NAA35: variants seen among roughly 807,000 people sequenced by gnomAD.
NAA35 encodes N-alpha-acetyltransferase 35, NatC auxiliary subunit.
NAA35 carries 18 observed loss-of-function variants against 101.7 expected under a neutral mutation model. The observed-to-expected ratio is 0.18, with a 90% CI of 0.12 to 0.26. NAA35 has a LOEUF of 0.26. NAA35 is among the 10% of genes least tolerant of loss of function. The pLI, the probability that NAA35 is intolerant of heterozygous loss-of-function variation, is 1.00. For synonymous variants in NAA35, 267 were observed against 273.1 expected (o/e 0.98, Z 0.22); for missense variants, 601 against 886.8 (o/e 0.68, Z 4.09).
chr9:85,969,111 T>C (rs1164260940), intron 6 of NAA35, among the ~76,000 whole-genome samples: 1 of 152,156 alleles, frequency 6.6e-6, no homozygotes, highest in East Asian at 1.9e-4. Context: ...TGTGTCATTC[T>C]AGTTTTTTGT....
At chr9:85,962,771 T>G (rs777138588) in intron 6 of NAA35, among the ~76,000 whole-genome samples, 4 of 152,142 alleles carry the variant, frequency 2.6e-5, no homozygotes, top group Non-Finnish European at 5.9e-5. Flanking sequence ...GTTGTGGGGA[T>G]TCCCAGAGAA....
chr9:85,976,000 C>T (rs1830193230), intron 8 of NAA35, among the ~76,000 whole-genome samples: 2 of 151,996 alleles, frequency 1.3e-5, no homozygotes, highest in African/African-American at 4.8e-5. Flanking sequence ...GTATGGTTGT[C>T]AAACTTCATA....
In NAA35 at chr9:86,013,128, C is replaced by T. The variant is rs866159273; in HGVS notation, c.1373C>T (p.Ala458Val). Residue 458 changes from alanine to valine, a missense_variant, in exon 16 of 23, where the codon GCC becomes GTC. Ala to Val is a moderately conservative substitution (Grantham distance 64). Coordinates refer to ENST00000361671, the MANE Select transcript of NAA35 (RefSeq NM_024635.4). ...CTTGGTCATATTCTTGAGGAATTTG[C>T]CACCTTGCAGGATGAGGTAAGAGCC... is the stretch of plus-strand genomic sequence containing the variant. Reference protein sequence around the residue: ...DKLGHILEEFATLQDEAEKVD... With the variant: ...DKLGHILEEFVTLQDEAEKVD... 6.3e-7 allele frequency: 1 copy of T among 1,592,608 alleles called. No homozygotes were observed. Among genetic ancestry groups the T allele is most frequent in the South Asian group, 1.1e-5 (1 of 87,928 alleles).
At chr9:85,955,342 ATATATATATATATATATATTT>A (rs1334991357) in intron 2 of NAA35, among the ~76,000 whole-genome samples, 4 of 64,542 alleles carry the variant, frequency 6.2e-5, no homozygotes, top group African/African-American at 3.3e-4. Context: ...ATATATATAT[ATATATATATATATATATATTT>A]TTTTTTTTTT....
At chr9:85,987,613 AG>A (rs1587622121) in intron 11 of NAA35, among the ~76,000 whole-genome samples, 1 of 152,190 alleles carries the variant, frequency 6.6e-6, no homozygotes, top group Non-Finnish European at 1.5e-5. Flanking sequence ...TCTAATCTAG[AG>A]GATTTCTAGT....
At chr9:85,981,600 T>C (rs780006729) in intron 11 of NAA35, among the ~76,000 whole-genome samples, 3 of 152,208 alleles carry the variant, frequency 2.0e-5, no homozygotes, top group Non-Finnish European at 2.9e-5. Flanking sequence ...GGTTTTATAG[T>C]GTGCTGACAG....
At chr9:85,992,172 T>TC (rs1433334015) in intron 11 of NAA35, among the ~76,000 whole-genome samples, 1 of 11,910 alleles carries the variant, frequency 8.4e-5, no homozygotes, top group Non-Finnish European at 1.9e-4. Context: ...AGACTCCGTC[T>TC]CAAAAAAAAA....
At chr9:86,020,829 G>A in intron 21 of NAA35, 60 bp from the exon 22 acceptor site, 1 of 1,411,356 alleles carries the variant, frequency 7.1e-7, no homozygotes, top group South Asian at 1.2e-5. Flanking sequence ...TCTCAAAAAA[G>A]AAAAAGAGAA....
chr9:85,958,710 A>G (rs914073288), intron 4 of NAA35, 124 bp downstream of exon 4: 2 of 535,190 alleles, frequency 3.7e-6, no homozygotes, highest in Non-Finnish European at 3.2e-6. Flanking sequence ...GCTCAAGCAT[A>G]TAAACAAGAA....
At chr9:86,015,383 C>T (rs929855188) in intron 17 of NAA35, among the ~76,000 whole-genome samples, 18 of 152,034 alleles carry the variant, frequency 1.2e-4, no homozygotes, top group African/African-American at 4.1e-4. Flanking sequence ...TCCTGCATTT[C>T]CCCGAGATAA....
At chr9:86,012,981 T>A in intron 15 of NAA35, 65 bp from the exon 16 acceptor site, 8 of 1,105,078 alleles carry the variant, frequency 7.2e-6, no homozygotes, top group Non-Finnish European at 1.0e-5. Context: ...GAACTTGGAA[T>A]GTTAAGTTTC....
chr9:85,995,399 A>G (rs1831111769), intron 11 of NAA35, among the ~76,000 whole-genome samples: 1 of 151,842 alleles, frequency 6.6e-6, no homozygotes, highest in African/African-American at 2.4e-5. Context: ...TTAGTTTGGA[A>G]TAATTTAAAT....
rs188053900 is a variant in NAA35 at position 85,954,509 on chromosome 9, A to T, written c.125-1851A>T. 2.9e-3 allele frequency among the ~76,000 whole-genome samples: 439 copies of T among 151,642 alleles called. 5 individuals are homozygous for T. In the South Asian group the frequency reaches 0.034, roughly 12 times the overall value. On this transcript the variant is annotated intron_variant, in intron 2 of 22. Transcript: ENST00000361671. ...CTCATAACACTTATTTTCTGCAGGG[A>T]TTTTTTTTTGTAGTACCCATCTTAA... is the stretch of plus-strand genomic sequence containing the variant.
At chr9:85,961,623 C>T (rs924724181) in intron 5 of NAA35, among the ~76,000 whole-genome samples, 12 of 152,074 alleles carry the variant, frequency 7.9e-5, no homozygotes, top group African/African-American at 1.7e-4. Flanking sequence ...AGGTGAGATA[C>T]GGTGTTGGCT....
At position 85,959,800 on chromosome 9, in the gene NAA35, C is replaced by T. The variant is rs1473769434; in HGVS notation, c.281C>T (p.Thr94Ile). Residue 94 changes from threonine (T) to isoleucine (I), a missense_variant, in exon 5 of 23, where the codon ACT (threonine) becomes ATT (isoleucine). Thr to Ile is a moderately conservative substitution (Grantham distance 89). Transcript: ENST00000361671. ...LNFEQAIKDG[T>I]IKIKDLTLPE... ...ATTCTTCCTCCTTTTTAGGATGGCA[C>T]TATTAAAATTAAAGATCTCACCTTG... 6.2e-7 allele frequency: 1 copy of T among 1,607,206 alleles called. No homozygotes were observed. Among genetic ancestry groups the T allele is most frequent in the Non-Finnish European group, 8.5e-7 (1 of 1,177,318 alleles).
At chr9:86,014,305 T>C in intron 17 of NAA35, 1 of 807,226 alleles carries the variant, frequency 1.2e-6, no homozygotes, top group Non-Finnish European at 1.5e-6. Flanking sequence ...GGAGCATAAC[T>C]GTTTCAAACC....
At chr9:85,943,791 A>G (rs1324612327) in intron 2 of NAA35, among the ~76,000 whole-genome samples, 1 of 152,182 alleles carries the variant, frequency 6.6e-6, no homozygotes, top group African/African-American at 2.4e-5. Flanking sequence ...TTTGAAGGTT[A>G]TATGGCTTGG....
intron 2 of NAA35, among the ~76,000 whole-genome samples, chr9:85,954,665 A>G (rs918887855): frequency 1.3e-5 from 2 of 152,168 alleles, no homozygotes; most frequent in African/African-American, 2.4e-5. Context: ...TGAAGAGTAC[A>G]TGATTAGTTT....
At chr9:85,947,968 C>T (rs574605037) in intron 2 of NAA35, among the ~76,000 whole-genome samples, 1 of 152,246 alleles carries the variant, frequency 6.6e-6, no homozygotes, top group South Asian at 2.1e-4. Flanking sequence ...AGATTTTTCC[C>T]TTAATCACGT....
Sources: gnomAD v4.1 joint callset for allele counts (sites outside exome capture counted in the v4.1 genomes callset) on GRCh38, gnomAD v4.1.1 for gene constraint, MANE v1.5 for transcripts, NCBI Gene and HGNC (gene_info 2026-07-23, HGNC 2026-07-21) for gene names.